TP53BP2: variants seen among roughly 807,000 people sequenced by gnomAD.
TP53BP2 encodes apoptosis-stimulating of p53 protein 2.
In TP53BP2, 62 loss-of-function variants were observed where a neutral mutation model predicts 126.2. The ratio of observed to expected loss-of-function variants is 0.49; its 90% CI spans 0.40 to 0.61. The LOEUF (loss-of-function observed/expected upper bound fraction) is 0.61. TP53BP2 is among the 20% of genes least tolerant of loss of function. The probability of loss-of-function intolerance (pLI) is 0.00; values close to 1 mark genes in which losing one functional copy is unlikely to be tolerated. For synonymous variants in TP53BP2, 485 were observed against 502.9 expected (o/e 0.96, Z 0.48); for missense variants, 1,215 against 1,402.8 (o/e 0.87, Z 2.14).
chr1:223,789,250 A>G, intron 15 of TP53BP2, 76 bp from the exon 16 acceptor site: 1 of 1,544,888 alleles, frequency 6.5e-7, no homozygotes, highest in Middle Eastern at 1.7e-4. Context: ...TCTGGAAAGA[A>G]AGTTCTTGAG....
intron 3 of TP53BP2, 163 bp downstream of exon 3, chr1:223,814,077 C>T: frequency 1.7e-6 from 1 of 579,900 alleles, no homozygotes; most frequent in Non-Finnish European, 3.1e-6. Context: ...CATTAAACAA[C>T]TATAGTCAAA....
intron 9 of TP53BP2, 109 bp from the exon 10 acceptor site, chr1:223,800,919 C>A: frequency 1.5e-6 from 1 of 659,920 alleles, no homozygotes; most frequent in South Asian, 1.9e-5. Flanking sequence ...ATTCCAGACT[C>A]ACAACACCCC....
chr1:223,806,287 A>C (rs1320942518), intron 5 of TP53BP2, among the ~76,000 whole-genome samples: 2 of 152,194 alleles, frequency 1.3e-5, no homozygotes, highest in Non-Finnish European at 2.9e-5. Context: ...TACCCATCAT[A>C]GCATGGTTAA....
intron 1 of TP53BP2, among the ~76,000 whole-genome samples, chr1:223,840,426 A>G (rs1248662537): frequency 4.6e-5 from 7 of 152,238 alleles, no homozygotes; most frequent in Non-Finnish European, 8.8e-5. Context: ...CTTAAGTGGC[A>G]TGAGCTGAAA....
intron 17 of TP53BP2, among the ~76,000 whole-genome samples, chr1:223,781,853 C>T (rs1268117871): frequency 6.6e-6 from 1 of 151,558 alleles, no homozygotes; most frequent in Non-Finnish European, 1.5e-5. Flanking sequence ...GTAGAGGATA[C>T]TTCTAACAAG....
intron 13 of TP53BP2, among the ~76,000 whole-genome samples, chr1:223,794,590 G>A (rs899058083): frequency 2.2e-4 from 34 of 152,110 alleles, no homozygotes; most frequent in Non-Finnish European, 4.3e-4. Context: ...TTTTCTCCTT[G>A]AAAATGTGGA....
chr1:223,793,698 C>T (rs143141631), intron 13 of TP53BP2, among the ~76,000 whole-genome samples: 4 of 152,226 alleles, frequency 2.6e-5, no homozygotes, highest in Admixed American at 6.5e-5. Flanking sequence ...AACATAATTA[C>T]GTTTGGGTTA....
intron 2 of TP53BP2, among the ~76,000 whole-genome samples, chr1:223,820,524 G>C (rs1026923529): frequency 6.6e-6 from 1 of 152,120 alleles, no homozygotes; most frequent in Non-Finnish European, 1.5e-5. Flanking sequence ...ATGAATAAAA[G>C]GACTTGCCTG....
chr1:223,813,016 T>C (rs1473497874), intron 3 of TP53BP2, among the ~76,000 whole-genome samples: 1 of 152,174 alleles, frequency 6.6e-6, no homozygotes, highest in Non-Finnish European at 1.5e-5. Flanking sequence ...GCTTTTGTAA[T>C]GTCCAATAAC....
chr1:223,842,217 C>A (rs1248653618), intron 1 of TP53BP2, among the ~76,000 whole-genome samples: 2 of 152,204 alleles, frequency 1.3e-5, no homozygotes, highest in African/African-American at 4.8e-5. Context: ...GGATTACAGG[C>A]GTAGCCACCG....
intron 5 of TP53BP2, among the ~76,000 whole-genome samples, chr1:223,805,594 C>A (rs1029558697): frequency 2.0e-5 from 3 of 152,230 alleles, no homozygotes; most frequent in Non-Finnish European, 4.4e-5. Flanking sequence ...GAAGTCCACA[C>A]TGCCTTGAGA....
chr1:223,806,441 A>G (rs567180029), intron 5 of TP53BP2, among the ~76,000 whole-genome samples: 6 of 152,302 alleles, frequency 3.9e-5, no homozygotes, highest in East Asian at 1.9e-4. Flanking sequence ...ATGTTACCTC[A>G]TATCTGTGAG....
At chr1:223,804,090 G>A in intron 6 of TP53BP2, 84 bp downstream of exon 6, 1 of 1,441,576 alleles carries the variant, frequency 6.9e-7, no homozygotes, top group Non-Finnish European at 9.4e-7. Context: ...CAAAAGACCA[G>A]CCTGGGCAAC....
Position 223,845,743 on chromosome 1 carries a change from G to GGGGGA in TP53BP2, c.-68_-64dup. 3 of 1,449,872 alleles carry GGGGGA rather than the reference G, an allele frequency of 2.1e-6. No homozygotes were observed. The highest frequency in any genetic ancestry group is 2.7e-6 in the Non-Finnish European group (3 of 1,099,900). The allele number at this position is 1,449,872 out of a possible 1,614,324, so 89.8% of individuals were successfully genotyped here. On this transcript the variant is annotated 5_prime_UTR_variant, in exon 1 of 18. Coordinates refer to ENST00000343537, the MANE Select transcript of TP53BP2 (RefSeq NM_001031685.3). ...AGGTGCCCCGGAGGGTCGCGGATGC[G>GGGGGA]GGGGAGGGGAGCGGAGAGCGAGGCC... is the stretch of plus-strand genomic sequence containing the variant.
chr1:223,812,533 G>A (rs1407441471), intron 3 of TP53BP2, among the ~76,000 whole-genome samples: 1 of 151,794 alleles, frequency 6.6e-6, no homozygotes, highest in Non-Finnish European at 1.5e-5. Flanking sequence ...CAGACGCCCA[G>A]CTAATTTTTG....
At chr1:223,791,845 G>C (rs1662166416) in intron 15 of TP53BP2, among the ~76,000 whole-genome samples, 2 of 152,036 alleles carry the variant, frequency 1.3e-5, no homozygotes, top group African/African-American at 4.8e-5. Flanking sequence ...GACCTTATTA[G>C]GACCTTTATT....
rs945631448 is a variant in TP53BP2, at chr1:223,845,702, G to T, written c.-22C>A. On this transcript the variant is annotated 5_prime_UTR_variant, in exon 1 of 18. Coordinates refer to ENST00000343537, the MANE Select transcript of TP53BP2 (RefSeq NM_001031685.3). Reference sequence around the variant, plus strand: ...GCATGGAAGCGGGTGGCCAGACTGCGGCCCCGGCCGAGCTGAGGTGCCCCG... The same window carrying T: ...GCATGGAAGCGGGTGGCCAGACTGCTGCCCCGGCCGAGCTGAGGTGCCCCG... 5 of 1,535,132 alleles carry T rather than the reference G, an allele frequency of 3.3e-6. No individual in the cohort carries two copies. In the African/African-American group the frequency reaches 5.7e-5, roughly 18 times the overall value.
intron 17 of TP53BP2, among the ~76,000 whole-genome samples, chr1:223,781,625 A>G (rs1661781221): frequency 6.6e-6 from 1 of 152,206 alleles, no homozygotes; most frequent in Admixed American, 6.5e-5. Context: ...ATTACATCCC[A>G]ATTAAAAAAT....
chr1:223,791,843 T>C (rs1467721095), intron 15 of TP53BP2, among the ~76,000 whole-genome samples: 2 of 152,178 alleles, frequency 1.3e-5, no homozygotes, highest in Non-Finnish European at 2.9e-5. Flanking sequence ...AGGACCTTAT[T>C]AGGACCTTTA....
Sources: allele counts gnomAD v4.1 joint callset (sites outside exome capture counted in the v4.1 genomes callset), GRCh38; gene constraint gnomAD v4.1.1; transcripts MANE v1.5; gene names NCBI Gene and HGNC (gene_info 2026-07-23, HGNC 2026-07-21).